The following MEMO1 variants were observed in gnomAD, a reference collection of about 807,000 sequenced individuals.
MEMO1 encodes protein MEMO1.
A neutral mutation model predicts 45.2 loss-of-function variants in MEMO1; 6 were observed. The observed-to-expected ratio is 0.13, with a 90% CI of 0.07 to 0.26. The LOEUF is 0.26. Ranked by LOEUF, MEMO1 falls within the 10% of genes least tolerant of loss-of-function variation. The pLI, the probability that MEMO1 is intolerant of heterozygous loss-of-function variation, is 1.00. For synonymous variants in MEMO1, 78 were observed against 124.3 expected (o/e 0.63, Z 2.48); for missense variants, 184 against 370.5 (o/e 0.50, Z 4.13).
intron 3 of MEMO1, among the ~76,000 whole-genome samples, chr2:31,933,293 T>C (rs72860933): frequency 0.011 from 1,270 of 110,750 alleles, 31 homozygotes; most frequent in African/African-American, 0.043. Context: ...CCAGCCTGGA[T>C]GACAGAGCGA....
chr2:31,988,555 A>T (rs1039028400), intron 2 of MEMO1, among the ~76,000 whole-genome samples: 3 of 152,232 alleles, frequency 2.0e-5, no homozygotes, highest in African/African-American at 7.2e-5. Context: ...CGAAAAAAAT[A>T]AAAAAAATTT....
intron 2 of MEMO1, among the ~76,000 whole-genome samples, chr2:31,966,192 C>A (rs1668592359): frequency 6.6e-6 from 1 of 152,124 alleles, no homozygotes; most frequent in African/African-American, 2.4e-5. Context: ...GCAGTTAGCG[C>A]CTCTTTCCAA....
intron 4 of MEMO1, among the ~76,000 whole-genome samples, chr2:31,927,110 C>T (rs1332318327): frequency 1.3e-5 from 2 of 152,146 alleles, no homozygotes; most frequent in East Asian, 1.9e-4. Context: ...GCAGGTCGAT[C>T]ACAAGGTCAA....
At chr2:31,912,624 T>C (rs1050228197) in intron 6 of MEMO1, among the ~76,000 whole-genome samples, 1 of 152,080 alleles carries the variant, frequency 6.6e-6, no homozygotes, top group African/African-American at 2.4e-5. Context: ...AAAAAAACTT[T>C]TTAATATATG....
At position 31,931,245 on chromosome 2, in the gene MEMO1, A is replaced by T. The variant is rs184489764; in HGVS notation, c.212+822T>A. Among the ~76,000 whole-genome samples, 161 of 152,322 alleles carry T rather than the reference A, an allele frequency of 1.1e-3. 1 individual carries two copies. The highest frequency in any genetic ancestry group is 3.8e-3 in the African/African-American group (159 of 41,576). On this transcript the variant is annotated intron_variant, in intron 4 of 9. Coordinates refer to ENST00000404530, the MANE Select transcript of MEMO1 (RefSeq NM_001301833.4). The stretch of plus-strand genomic sequence containing the variant: ...TTTAAAACTTTGAATGAACTGCTCA[A>T]AGGCAAGTGGTCTGTGCATGATTTT...
chr2:31,894,927 G>C (rs1449630645), intron 6 of MEMO1, among the ~76,000 whole-genome samples: 1 of 152,066 alleles, frequency 6.6e-6, no homozygotes, highest in African/African-American at 2.4e-5. Context: ...AAGTCTTTCT[G>C]GCTCAAGGTG....
chr2:31,946,293 A>T (rs926928267), intron 2 of MEMO1, among the ~76,000 whole-genome samples: 2 of 152,176 alleles, frequency 1.3e-5, no homozygotes, highest in African/African-American at 4.8e-5. Flanking sequence ...CACTGAAATT[A>T]AGCATCTACT....
intron 2 of MEMO1, among the ~76,000 whole-genome samples, chr2:31,947,503 G>A (rs138129258): frequency 2.1e-4 from 32 of 152,268 alleles, no homozygotes; most frequent in African/African-American, 7.5e-4. Context: ...TACGTGCTTT[G>A]ATTTTCAAAT....
chr2:31,947,336 C>A (rs776303526), intron 2 of MEMO1, among the ~76,000 whole-genome samples: 12 of 152,130 alleles, frequency 7.9e-5, no homozygotes, highest in Middle Eastern at 3.2e-3. Context: ...AAGTTTCTCA[C>A]TTATCTTTGA....
chr2:31,998,585 G>C (rs915395946), intron 2 of MEMO1, among the ~76,000 whole-genome samples: 7 of 152,064 alleles, frequency 4.6e-5, no homozygotes, highest in Non-Finnish European at 1.0e-4. Flanking sequence ...CAGATCATGA[G>C]GTCAGGAGTT....
At chr2:31,909,338 A>G (rs547317902) in intron 6 of MEMO1, among the ~76,000 whole-genome samples, 52 of 152,330 alleles carry the variant, frequency 3.4e-4, no homozygotes, top group South Asian at 8.3e-4. Context: ...TGCAGGTGAC[A>G]TGGTCTTATA....
At chr2:31,937,522 T>A (rs947968631) in intron 3 of MEMO1, among the ~76,000 whole-genome samples, 1 of 152,330 alleles carries the variant, frequency 6.6e-6, no homozygotes, top group Admixed American at 6.5e-5. Flanking sequence ...GGTAGAGCAC[T>A]GTACAGGTAT....
chr2:31,977,822 C>T (rs1303155787), intron 2 of MEMO1, among the ~76,000 whole-genome samples: 2 of 152,162 alleles, frequency 1.3e-5, no homozygotes, highest in Non-Finnish European at 2.9e-5. Context: ...CCATGCCCAG[C>T]ATACCCTTAC....
intron 2 of MEMO1, among the ~76,000 whole-genome samples, chr2:32,004,166 G>A (rs568963647): frequency 6.6e-6 from 1 of 152,086 alleles, no homozygotes; most frequent in Non-Finnish European, 1.5e-5. Context: ...GGGCAACAGA[G>A]CAAGACCCTG....
At chr2:31,949,639 G>A (rs770286323) in intron 2 of MEMO1, among the ~76,000 whole-genome samples, 16 of 23,492 alleles carry the variant, frequency 6.8e-4, no homozygotes, top group South Asian at 1.6e-3. Context: ...TGGTTAATGG[G>A]TACAAAAAAA....
intron 2 of MEMO1, among the ~76,000 whole-genome samples, chr2:31,949,377 T>C (rs1213334370): frequency 1.3e-5 from 2 of 151,992 alleles, no homozygotes; most frequent in African/African-American, 4.8e-5. Flanking sequence ...CATCAACAGA[T>C]GAATGGATAA....
At chr2:31,907,221 C>T (rs1679886085) in intron 6 of MEMO1, among the ~76,000 whole-genome samples, 1 of 152,098 alleles carries the variant, frequency 6.6e-6, no homozygotes. Flanking sequence ...CTCTTTCCTC[C>T]CAAATCCCTA....
chr2:31,869,919 A>G lies in MEMO1; in HGVS notation c.691T>C (p.Ser231Pro), dbSNP rs764690918. 14 of 1,584,372 alleles carry G rather than the reference A, an allele frequency of 8.8e-6. No individual in the cohort carries two copies. The highest frequency in any genetic ancestry group is 1.2e-5 in the Non-Finnish European group (14 of 1,168,858). Residue 231 changes from serine to proline, a missense_variant, in exon 9 of 10, where the codon TCT becomes CCT. Physicochemically the swap from Ser to Pro is moderately conservative, Grantham distance 74 (BLOSUM62 -1). This residue lies in a region of MEMO1 where 97 missense variants were observed against 209.3 expected (regional missense o/e 0.46). Transcript: ENST00000404530. ...MSIIEQLDPV[S>P]FSNYLKKYHN... ...TATTTCTTCAAGTAATTGCTAAAAG[A>G]TACAGGGTCTAATTGTTCTATAATA...
At chr2:31,958,715 G>A (rs916259988) in intron 2 of MEMO1, among the ~76,000 whole-genome samples, 4 of 152,108 alleles carry the variant, frequency 2.6e-5, no homozygotes, top group Non-Finnish European at 4.4e-5. Context: ...GCAATGGCAC[G>A]ATCTCAGCTG....
Sources: allele counts gnomAD v4.1 joint callset (sites outside exome capture counted in the v4.1 genomes callset), GRCh38; gene constraint gnomAD v4.1.1; regional missense constraint gnomAD v4.1.1; transcripts MANE v1.5; gene names NCBI Gene and HGNC (gene_info 2026-07-23, HGNC 2026-07-21).